PARD3B: variants seen among roughly 807,000 people sequenced by gnomAD.
PARD3B encodes the protein par-3 family cell polarity regulator beta, also known as partitioning defective 3 homolog B.
Under a neutral mutation model 130.2 loss-of-function variants are expected in PARD3B, and 103 were observed. The observed-to-expected ratio is 0.79, with a 90% CI of 0.67 to 0.93. The LOEUF is 0.93. Ranked by LOEUF, PARD3B falls within the 40% of genes least tolerant of loss-of-function variation. The pLI is 0.00. For missense variants in PARD3B, 1,609 were observed against 1,499.2 expected, an observed-to-expected ratio of 1.07 and a Z score of -1.21; for synonymous variants, 583 against 553.2, an observed-to-expected ratio of 1.05 and a Z score of -0.76.
At chr2:205,327,327 C>A (rs552782277) in intron 18 of PARD3B, among the ~76,000 whole-genome samples, 16 of 152,274 alleles carry the variant, frequency 1.1e-4, no homozygotes, top group Non-Finnish European at 1.8e-4. Flanking sequence ...CACACCTGTT[C>A]CTAATGCTAC....
intron 2 of PARD3B, among the ~76,000 whole-genome samples, chr2:204,759,889 T>G (rs548016024): frequency 6.6e-6 from 1 of 152,126 alleles, no homozygotes; most frequent in Non-Finnish European, 1.5e-5. Flanking sequence ...TGTAATCTGT[T>G]TTTTGTTTAC....
At chr2:205,018,749 A>AAAAAAAAAAAC (rs1559359658) in intron 3 of PARD3B, among the ~76,000 whole-genome samples, 2 of 120,026 alleles carry the variant, frequency 1.7e-5, no homozygotes, top group South Asian at 2.8e-4. Flanking sequence ...AAAAAAAAAA[A>AAAAAAAAAAAC]AGCACGCTGA....
At chr2:204,850,500 G>A (rs552249554) in intron 2 of PARD3B, among the ~76,000 whole-genome samples, 21 of 151,706 alleles carry the variant, frequency 1.4e-4, no homozygotes, top group Admixed American at 1.3e-4. Flanking sequence ...ATAGATATAT[G>A]TATATATATA....
intron 1 of PARD3B, among the ~76,000 whole-genome samples, chr2:204,632,458 T>TGACC (rs1396917089): frequency 6.6e-6 from 1 of 152,222 alleles, no homozygotes; most frequent in Non-Finnish European, 1.5e-5. Flanking sequence ...TTGAGGTTGC[T>TGACC]GACCTTTGGA....
At chr2:204,577,118 T>A (rs115747034) in intron 1 of PARD3B, among the ~76,000 whole-genome samples, 2,754 of 152,312 alleles carry the variant, frequency 0.018, 33 homozygotes, top group Middle Eastern at 0.075. Flanking sequence ...AATAACTTAT[T>A]TACATATCTT....
intron 1 of PARD3B, among the ~76,000 whole-genome samples, chr2:204,602,813 A>C (rs540970861): frequency 6.6e-6 from 1 of 152,042 alleles, no homozygotes; most frequent in African/African-American, 2.4e-5. Flanking sequence ...TCTCCCGACC[A>C]CTCATTTGGT....
intron 1 of PARD3B, among the ~76,000 whole-genome samples, chr2:204,607,790 A>G (rs879907012): frequency 6.6e-6 from 1 of 152,154 alleles, no homozygotes; most frequent in Admixed American, 6.6e-5. Context: ...AGACTTCGCG[A>G]GAGAGGGATT....
chr2:204,847,644 C>T (rs139116884), intron 2 of PARD3B, among the ~76,000 whole-genome samples: 1 of 152,164 alleles, frequency 6.6e-6, no homozygotes, highest in Non-Finnish European at 1.5e-5. Flanking sequence ...AGGCTACCAT[C>T]CATTCCACCT....
intron 3 of PARD3B, among the ~76,000 whole-genome samples, chr2:204,980,049 T>A (rs1692532094): frequency 6.6e-6 from 1 of 152,168 alleles, no homozygotes; most frequent in South Asian, 2.1e-4. Context: ...AAGCCATAGA[T>A]TCTATGAAGA....
Position 205,193,281 on chromosome 2 carries a change from GA to G in PARD3B, c.2103del (p.Glu701AspfsTer5), listed in dbSNP as rs1559528562. 2.5e-6 allele frequency: 4 copies of G among 1,613,464 alleles called. No individual in the cohort carries two copies. The highest frequency in any genetic ancestry group is 3.4e-6 in the Non-Finnish European group (4 of 1,179,424). ...FRSVTPARQP[E>X]SINLKASKSM... ...ATCTGTGACACCGGCCAGGCAGCCTGAATCAATTAATTTGAAAGCCTCGAAG... is the reference window on the plus strand; with the variant it reads ...ATCTGTGACACCGGCCAGGCAGCCTGATCAATTAATTTGAAAGCCTCGAAG... On this transcript the variant is annotated frameshift_variant, in exon 15 of 23. Transcript: ENST00000406610. LOFTEE classifies it high-confidence loss of function.
intron 2 of PARD3B, among the ~76,000 whole-genome samples, chr2:204,924,198 G>A (rs1267669695): frequency 2.0e-5 from 3 of 151,902 alleles, no homozygotes; most frequent in South Asian, 2.1e-4. Context: ...TTAATCTGCA[G>A]GGAATTTTCA....
At chr2:204,687,873 G>A (rs2037163510) in intron 2 of PARD3B, among the ~76,000 whole-genome samples, 1 of 152,132 alleles carries the variant, frequency 6.6e-6, no homozygotes, top group Non-Finnish European at 1.5e-5. Context: ...AGGACGAGAA[G>A]AAAATGTCTT....
rs909963080 is a variant in PARD3B, at chr2:204,571,591, C to T, written c.120+25472C>T. Among the ~76,000 whole-genome samples the T allele has an allele frequency of 3.9e-5, 6 of 152,190 alleles. No individual in the cohort carries two copies. In the East Asian group the frequency reaches 5.8e-4, roughly 15 times the overall value. ...ATTTTGTTTGCATTTTTAATTTATA[C>T]GGAAAATGAATTTTTCTGAGATACC... On this transcript the variant is annotated intron_variant, in intron 1 of 22. Transcript: ENST00000406610.
At chr2:204,588,710 T>C (rs1396507463) in intron 1 of PARD3B, among the ~76,000 whole-genome samples, 1 of 152,202 alleles carries the variant, frequency 6.6e-6, no homozygotes, top group African/African-American at 2.4e-5. Context: ...AATATTCAAA[T>C]TTTCAGAAAA....
chr2:205,440,423 A>G lies in PARD3B; in HGVS notation c.2795A>G (p.Asp932Gly). The G allele has an allele frequency of 6.2e-7, 1 of 1,614,118 alleles. No individual in the cohort carries two copies. The highest frequency in any genetic ancestry group is 8.5e-7 in the Non-Finnish European group (1 of 1,179,984). Residue 932 changes from aspartate to glycine, a missense_variant, in exon 20 of 23, where the codon GAT becomes GGT. Physicochemically the swap from Asp to Gly is moderately conservative, Grantham distance 94. Transcript: ENST00000406610. This position sits in a 1 kb window ranked among gnomAD's most constrained non-coding sequence, Gnocchi z 4.2. ...GAAAAGCAGGCAAGAGGTCTTCTTG[A>G]TTATGCTACTGGTGCAATTGGATCA... ...LREKQARGLLDYATGAIGSVY... is the reference protein window; with the variant it reads ...LREKQARGLLGYATGAIGSVY...
chr2:204,880,860 T>C (rs1218518139), intron 2 of PARD3B, among the ~76,000 whole-genome samples: 1 of 152,080 alleles, frequency 6.6e-6, no homozygotes, highest in Non-Finnish European at 1.5e-5. Context: ...AGAGCCAACA[T>C]CCTGCAATTA....
At chr2:205,255,188 A>C (rs2040027098) in intron 16 of PARD3B, among the ~76,000 whole-genome samples, 1 of 148,968 alleles carries the variant, frequency 6.7e-6, no homozygotes, top group Non-Finnish European at 1.5e-5. Flanking sequence ...TTTCTCAGGC[A>C]GGCTCTCTCT....
chr2:204,595,303 A>T (rs1347422289), intron 1 of PARD3B, among the ~76,000 whole-genome samples: 1 of 152,194 alleles, frequency 6.6e-6, no homozygotes, highest in Non-Finnish European at 1.5e-5. Flanking sequence ...TCTCTGTCTA[A>T]ACCATTGACA....
chr2:205,376,696 G>A (rs2045068420), intron 18 of PARD3B, among the ~76,000 whole-genome samples: 1 of 152,286 alleles, frequency 6.6e-6, no homozygotes, highest in African/African-American at 2.4e-5. Context: ...ACTGCCATGG[G>A]AGATGTAAAC....
Sources: gnomAD v4.1 joint callset for allele counts (sites outside exome capture counted in the v4.1 genomes callset) on GRCh38, gnomAD v4.1.1 for gene constraint, Gnocchi (gnomAD v3.1) non-coding constraint, MANE v1.5 for transcripts, NCBI Gene and HGNC (gene_info 2026-07-23, HGNC 2026-07-21) for gene names.